The following RORA variants were observed in gnomAD, a reference collection of about 807,000 sequenced individuals.
RORA encodes the protein RAR related orphan receptor A.
A neutral mutation model predicts 69.5 loss-of-function variants in RORA; 7 were observed. The observed-to-expected ratio is 0.10, with a 90% CI of 0.06 to 0.19. The LOEUF is 0.19. Ranked by LOEUF, RORA falls within the 10% of genes least tolerant of loss-of-function variation. The pLI is 1.00. For synonymous variants in RORA, 261 were observed against 240.8 expected (o/e 1.08, Z -0.78); for missense variants, 457 against 663.0 (o/e 0.69, Z 3.41).
At chr15:61,177,545 T>C (rs1324390817) in intron 1 of RORA, among the ~76,000 whole-genome samples, 1 of 152,174 alleles carries the variant, frequency 6.6e-6, no homozygotes, top group Non-Finnish European at 1.5e-5. Context: ...TTCCATCACA[T>C]AACTGTTCGT....
intron 1 of RORA, chr15:61,195,838 A>G (rs2079841131): frequency 6.6e-6 from 1 of 152,194 alleles, no homozygotes; most frequent in Admixed American, 6.5e-5. Flanking sequence ...GGGCCTACTG[A>G]CACTTTGCCT....
chr15:60,516,936 A>G (rs2065979919), intron 3 of RORA, among the ~76,000 whole-genome samples: 1 of 152,190 alleles, frequency 6.6e-6, no homozygotes, highest in Non-Finnish European at 1.5e-5. Flanking sequence ...AAAATATACC[A>G]TTGAATGTTT....
At chr15:60,647,582 G>A (rs1473143706) in intron 2 of RORA, among the ~76,000 whole-genome samples, 3 of 152,186 alleles carry the variant, frequency 2.0e-5, no homozygotes, top group Non-Finnish European at 4.4e-5. Flanking sequence ...CCAGAAGAGA[G>A]GACTGGGTGA....
chr15:60,577,797 A>AT (rs1200295483), intron 2 of RORA, among the ~76,000 whole-genome samples: 2 of 152,232 alleles, frequency 1.3e-5, no homozygotes, highest in African/African-American at 4.8e-5. Context: ...ATATTAACAT[A>AT]TAAAAATAAG....
chr15:61,120,465 C>T (rs1405121070), intron 1 of RORA, among the ~76,000 whole-genome samples: 1 of 151,808 alleles, frequency 6.6e-6, no homozygotes, highest in Admixed American at 6.6e-5. Context: ...TTTGGGAGGC[C>T]GAGGCGGGCG....
intron 1 of RORA, among the ~76,000 whole-genome samples, chr15:61,112,685 G>A (rs1304159859): frequency 6.6e-6 from 1 of 152,208 alleles, no homozygotes; most frequent in African/African-American, 2.4e-5. Context: ...TAAGAACATG[G>A]TGGGAATTAT....
intron 2 of RORA, among the ~76,000 whole-genome samples, chr15:60,624,993 G>A (rs2069535626): frequency 1.3e-5 from 2 of 152,130 alleles, no homozygotes; most frequent in Non-Finnish European, 1.5e-5. Context: ...CCTCTACATT[G>A]GGAAATGTAG....
At chr15:60,546,100 C>A (rs765193844) in intron 2 of RORA, among the ~76,000 whole-genome samples, 21 of 152,186 alleles carry the variant, frequency 1.4e-4, no homozygotes, top group Non-Finnish European at 2.5e-4. Context: ...TCTAACCTGA[C>A]AAATACTATG....
intron 2 of RORA, among the ~76,000 whole-genome samples, chr15:60,574,282 G>C (rs2067964889): frequency 6.6e-6 from 1 of 152,192 alleles, no homozygotes; most frequent in Admixed American, 6.5e-5. Context: ...ATTAAATGTG[G>C]TAATCCATTT....
At chr15:60,943,735 G>A (rs1892773606) in intron 1 of RORA, among the ~76,000 whole-genome samples, 1 of 151,666 alleles carries the variant, frequency 6.6e-6, no homozygotes, top group Admixed American at 6.6e-5. Context: ...GGGCAACACG[G>A]TGAAACCCCA....
chr15:60,895,108 T>C (rs962379161), intron 1 of RORA, among the ~76,000 whole-genome samples: 1 of 152,074 alleles, frequency 6.6e-6, no homozygotes, highest in African/African-American at 2.4e-5. Flanking sequence ...ACAGTGTAAA[T>C]AGAAAGTAGG....
intron 1 of RORA, among the ~76,000 whole-genome samples, chr15:60,968,667 C>CTTT (rs5813056): frequency 1.4e-5 from 2 of 145,638 alleles, no homozygotes; most frequent in Admixed American, 6.9e-5. Context: ...CAACATAAAT[C>CTTT]TTTTTTTTTT....
chr15:60,772,358 C>G (rs1375148031), intron 1 of RORA, among the ~76,000 whole-genome samples: 1 of 152,054 alleles, frequency 6.6e-6, no homozygotes, highest in African/African-American at 2.4e-5. Flanking sequence ...TCTTGCTAAC[C>G]TAGGGTACTA....
intron 1 of RORA, among the ~76,000 whole-genome samples, chr15:61,075,799 C>A (rs1388868446): frequency 2.0e-5 from 3 of 152,182 alleles, no homozygotes; most frequent in Admixed American, 1.3e-4. Context: ...AGAATTAGTG[C>A]CCTTCCCTGC....
chr15:60,696,389 T>G (rs988208883), intron 1 of RORA, among the ~76,000 whole-genome samples: 5 of 151,984 alleles, frequency 3.3e-5, no homozygotes, highest in South Asian at 2.1e-4. Context: ...AAAAAAGACA[T>G]TCCAGAAAAA....
intron 1 of RORA, among the ~76,000 whole-genome samples, chr15:60,995,852 T>C (rs1445662196): frequency 6.6e-6 from 1 of 152,238 alleles, no homozygotes; most frequent in Non-Finnish European, 1.5e-5. Flanking sequence ...GACCATTCTG[T>C]TCAAGAAAAG....
intron 1 of RORA, among the ~76,000 whole-genome samples, chr15:61,077,656 T>C (rs2078472938): frequency 6.6e-6 from 1 of 152,216 alleles, no homozygotes; most frequent in African/African-American, 2.4e-5. Context: ...CTAAGAAAGA[T>C]GCAGGCTTTC....
chr15:61,058,826 C>T (rs1171196320), intron 1 of RORA, among the ~76,000 whole-genome samples: 1 of 152,152 alleles, frequency 6.6e-6, no homozygotes, highest in Non-Finnish European at 1.5e-5. Context: ...TGTTATCGGC[C>T]TTTCTATGTT....
chr15:60,709,878 T>C (rs954374675), intron 1 of RORA, among the ~76,000 whole-genome samples: 6 of 152,158 alleles, frequency 3.9e-5, no homozygotes, highest in Non-Finnish European at 7.4e-5. Context: ...AAAATTGTCT[T>C]CCATGAAACT....
Sources: allele counts gnomAD v4.1 joint callset (sites outside exome capture counted in the v4.1 genomes callset), GRCh38; gene constraint gnomAD v4.1.1; transcripts MANE v1.5; gene names NCBI Gene and HGNC (gene_info 2026-07-23, HGNC 2026-07-21).